The following BMS1 variants were observed in gnomAD, a reference collection of about 807,000 sequenced individuals.
BMS1 encodes BMS1 ribosome biogenesis factor, also known as ribosome biogenesis protein BMS1 homolog.
In BMS1, 53 loss-of-function variants were observed where a neutral mutation model predicts 138.7. That is an observed-to-expected ratio of 0.38 (90% CI 0.31 to 0.48). The LOEUF (loss-of-function observed/expected upper bound fraction) is 0.48. BMS1 is among the 20% of genes least tolerant of loss of function. BMS1 has a pLI of 0.97. For synonymous variants in BMS1, 504 were observed against 539.9 expected (o/e 0.93, Z 0.92); for missense variants, 1,360 against 1,565.5 (o/e 0.87, Z 2.22).
At chr10:42,809,127 G>T (rs957889619) in intron 13 of BMS1, among the ~76,000 whole-genome samples, 2 of 152,138 alleles carry the variant, frequency 1.3e-5, no homozygotes, top group African/African-American at 2.4e-5. Flanking sequence ...TATTAAAATA[G>T]ATGAACACAG....
intron 5 of BMS1, 127 bp from the exon 6 acceptor site, chr10:42,791,500 C>T (rs1841504021): frequency 1.0e-6 from 1 of 985,734 alleles, no homozygotes; most frequent in African/African-American, 1.7e-5. Flanking sequence ...CTCTGGAAGC[C>T]TCAGGACAGT....
rs747621268 is a variant in BMS1, at chr10:42,808,867, C to T, written c.2329+6649C>T. Among the ~76,000 whole-genome samples the T allele has an allele frequency of 3.9e-4, 59 of 152,268 alleles. No individual in the cohort carries two copies. In the Middle Eastern group the frequency reaches 0.014, roughly 35 times the overall value. On this transcript the variant is annotated intron_variant, in intron 13 of 22. Coordinates refer to ENST00000374518, the MANE Select transcript of BMS1 (RefSeq NM_014753.4). ...TGTTCTATTGACTTCACATGTCAAT[C>T]CCTTGGCCAGTACCACCCTTGCTGT...
At chr10:42,811,357 A>G (rs953310338) in intron 13 of BMS1, among the ~76,000 whole-genome samples, 1 of 148,874 alleles carries the variant, frequency 6.7e-6, no homozygotes, top group Non-Finnish European at 1.5e-5. Context: ...TCTGCCCCTT[A>G]TTATTTCTAT....
intron 13 of BMS1, among the ~76,000 whole-genome samples, chr10:42,808,017 G>C (rs778581846): frequency 6.6e-6 from 1 of 152,074 alleles, no homozygotes; most frequent in African/African-American, 2.4e-5. Flanking sequence ...GTGGTTTTAA[G>C]ATATACTTCC....
chr10:42,800,512 G>A (rs1241725197), intron 12 of BMS1, among the ~76,000 whole-genome samples: 1 of 151,382 alleles, frequency 6.6e-6, no homozygotes, highest in African/African-American at 2.4e-5. Flanking sequence ...CATATATATA[G>A]GGTAAATGCT....
In BMS1 at chr10:42,785,556, T is replaced by C. The variant is rs1554792420; in HGVS notation, c.251T>C (p.Val84Ala). 5.6e-6 allele frequency: 9 copies of C among 1,613,748 alleles called. No individual in the cohort carries two copies. In the East Asian group the frequency reaches 1.8e-4, roughly 32 times the overall value. The change falls in exon 3 of 23, where the codon GTG (valine) becomes GCG (alanine). Residue 84 changes from valine to alanine, a missense_variant. Physicochemically the swap from Val to Ala is moderately conservative, Grantham distance 64. Around this residue, in one of 3 missense-constraint regions of BMS1, gnomAD observed 238 missense variants for 311.1 expected, o/e 0.77. Transcript: ENST00000374518. ...ACTCCACTAGAGCCCCCACCAATAG[T>C]GGTAGTGGTGATGGGACCTCCAAAA... ...DRTPLEPPPIVVVVMGPPKVG... is the reference protein window; with the variant it reads ...DRTPLEPPPIAVVVMGPPKVG...
At position 42,784,457 on chromosome 10, in the gene BMS1, A is replaced by C. The variant is rs768824247; in HGVS notation, c.63A>C (p.Lys21Asn). 2.5e-6 allele frequency: 4 copies of C among 1,613,824 alleles called. No individual in the cohort carries two copies. Among genetic ancestry groups the C allele is most frequent in the Non-Finnish European group, 3.4e-6 (4 of 1,179,864 alleles). The change falls in exon 2 of 23, where the codon AAA (lysine) becomes AAC (asparagine). Residue 21 changes from lysine (K) to asparagine (N), a missense_variant. By Grantham distance (94) the Lys-to-Asn change is moderately conservative. Coordinates refer to ENST00000374518, the MANE Select transcript of BMS1 (RefSeq NM_014753.4). Reference sequence around the variant, plus strand: ...ACAGTGGACCCAAAGCTGCAAAGAAAAAGAAGCGGCTTCTGCAGGATCTCC... The same window carrying C: ...ACAGTGGACCCAAAGCTGCAAAGAACAAGAAGCGGCTTCTGCAGGATCTCC... ...KKNSGPKAAK[K>N]KKRLLQDLQL...
chr10:42,808,423 C>T (rs190287301), intron 13 of BMS1, among the ~76,000 whole-genome samples: 25 of 151,794 alleles, frequency 1.6e-4, no homozygotes, highest in South Asian at 2.1e-4. Flanking sequence ...CTCAGCCTCC[C>T]GAGTAGCTGG....
At chr10:42,798,351 C>T (rs747794991) in intron 11 of BMS1, 117 bp from the exon 12 acceptor site, 2 of 1,304,988 alleles carry the variant, frequency 1.5e-6, no homozygotes, top group Admixed American at 2.0e-5. Context: ...ATACCCACCA[C>T]AGACAGAGTC....
At position 42,820,416 on chromosome 10, in the gene BMS1, T is replaced by A. The variant is rs3180998; in HGVS notation, c.2761T>A (p.Tyr921Asn). 6.2e-7 allele frequency: 1 copy of A among 1,613,668 alleles called. No homozygotes were observed. Among genetic ancestry groups the A allele is most frequent in the South Asian group, 1.1e-5 (1 of 91,052 alleles). Residue 921 changes from tyrosine to asparagine, a missense_variant, in exon 16 of 23, where the codon TAC becomes AAC. This residue lies in a region of BMS1 where 425 missense variants were observed against 568.3 expected (regional missense o/e 0.75). Coordinates refer to ENST00000374518, the MANE Select transcript of BMS1 (RefSeq NM_014753.4). ...GGGCAACAGTGAGGGAAATGTTGGC[T>A]ACGTGCAGGTGGGTCCCTTTGCTAC... is the stretch of plus-strand genomic sequence containing the variant. ...GLGNSEGNVG[Y>N]VQMRLKKHRW...
chr10:42,785,704 C>T (rs565385204), intron 3 of BMS1, 32 bp downstream of exon 3: 14 of 1,601,032 alleles, frequency 8.7e-6, no homozygotes, highest in Non-Finnish European at 1.2e-5. Flanking sequence ...ACAGAGTTGG[C>T]GTGGCTGTTG....
At position 42,785,476 on chromosome 10, in the gene BMS1, G is replaced by A. The variant is rs759423429; in HGVS notation, c.177-6G>A. The A allele has an allele frequency of 3.1e-6, 5 of 1,597,758 alleles. No individual in the cohort carries two copies. The highest frequency in any genetic ancestry group is 4.3e-6 in the Non-Finnish European group (5 of 1,171,380). On this transcript the variant is annotated splice_region_variant and splice_polypyrimidine_tract_variant and intron_variant, in intron 2 of 22. Transcript: ENST00000374518. ...TTTATTTATTTGTTTATTTTTTAAT[G>A]AATAGGACTCAGGATTTGAAGACAA...
chr10:42,828,412 G>A (rs1375218761), intron 21 of BMS1, among the ~76,000 whole-genome samples: 1 of 152,122 alleles, frequency 6.6e-6, no homozygotes, highest in Non-Finnish European at 1.5e-5. Context: ...TCTGGATATG[G>A]GACTTGCAGG....
chr10:42,793,403 C>T (rs1023297104), intron 8 of BMS1, among the ~76,000 whole-genome samples: 4 of 152,054 alleles, frequency 2.6e-5, no homozygotes, highest in African/African-American at 9.7e-5. Flanking sequence ...TGTGTGGCGC[C>T]TGCACGGCCC....
intron 13 of BMS1, 117 bp downstream of exon 13, chr10:42,802,335 T>C: frequency 1.2e-6 from 1 of 844,884 alleles, no homozygotes; most frequent in Non-Finnish European, 1.8e-6. Context: ...CTTTGGGAAT[T>C]CAGACAGGAG....
intron 5 of BMS1, among the ~76,000 whole-genome samples, chr10:42,791,233 G>C (rs552234506): frequency 3.1e-4 from 47 of 152,300 alleles, no homozygotes; most frequent in African/African-American, 7.7e-4. Flanking sequence ...GTCTCTCTCT[G>C]TACCTGCTGC....
At chr10:42,783,262 TCC>T (rs1841214065) in intron 1 of BMS1, among the ~76,000 whole-genome samples, 1 of 152,164 alleles carries the variant, frequency 6.6e-6, no homozygotes. Context: ...CGCCCAGCTC[TCC>T]TAACTCCTGG....
At chr10:42,811,240 T>C (rs1171144572) in intron 13 of BMS1, among the ~76,000 whole-genome samples, 2 of 151,886 alleles carry the variant, frequency 1.3e-5, no homozygotes, top group African/African-American at 4.8e-5. Flanking sequence ...ACAGGGTTTC[T>C]CCCTGTTGGT....
chr10:42,783,403 C>T (rs1403309379), intron 1 of BMS1, among the ~76,000 whole-genome samples: 1 of 152,150 alleles, frequency 6.6e-6, no homozygotes, highest in Admixed American at 6.5e-5. Flanking sequence ...GCCCTTATTG[C>T]GTGGCGCGGA....
Sources: allele counts gnomAD v4.1 joint callset (sites outside exome capture counted in the v4.1 genomes callset), GRCh38; gene constraint gnomAD v4.1.1; regional missense constraint gnomAD v4.1.1; transcripts MANE v1.5; gene names NCBI Gene and HGNC (gene_info 2026-07-23, HGNC 2026-07-21).